TMEM108: variants seen among roughly 807,000 people sequenced by gnomAD.
TMEM108 encodes the protein cancer/testis antigen 124.
A neutral mutation model predicts 35.1 loss-of-function variants in TMEM108; 12 were observed. That is an observed-to-expected ratio of 0.34 (90% confidence interval 0.22 to 0.55). TMEM108 has a LOEUF of 0.55. TMEM108 is among the 20% of genes least tolerant of loss of function. The pLI is 0.89. For missense variants in TMEM108, 680 were observed against 753.3 expected, an observed-to-expected ratio of 0.90 and a Z score of 1.14; for synonymous variants, 287 against 308.6, an observed-to-expected ratio of 0.93 and a Z score of 0.73.
chr3:133,371,413 G>T (rs564969256), intron 3 of TMEM108, among the ~76,000 whole-genome samples: 1 of 152,168 alleles, frequency 6.6e-6, no homozygotes, highest in African/African-American at 2.4e-5. Context: ...GCTATCATCT[G>T]GAAGTTAGGC....
intron 2 of TMEM108, among the ~76,000 whole-genome samples, chr3:133,078,889 T>C (rs1458484144): frequency 1.3e-5 from 2 of 152,234 alleles, no homozygotes; most frequent in Admixed American, 6.5e-5. Flanking sequence ...CGAATAGATA[T>C]TGACATATTA....
At chr3:133,243,955 G>T (rs531350612) in intron 3 of TMEM108, among the ~76,000 whole-genome samples, 2 of 152,304 alleles carry the variant, frequency 1.3e-5, no homozygotes, top group African/African-American at 4.8e-5. Flanking sequence ...GAAAAGGGTA[G>T]TGGGCCTGGA....
chr3:133,101,008 A>AAGGTGGAATATCCT (rs1559832404), intron 2 of TMEM108, among the ~76,000 whole-genome samples: 11 of 152,198 alleles, frequency 7.2e-5, no homozygotes, highest in Admixed American at 2.0e-4. Context: ...CCTCATTGTC[A>AAGGTGGAATATCCT]CATACACATG....
chr3:133,083,886 A>AC (rs1943847022), intron 2 of TMEM108, among the ~76,000 whole-genome samples: 1 of 150,620 alleles, frequency 6.6e-6, no homozygotes, highest in Non-Finnish European at 1.5e-5. Flanking sequence ...TAAAAAAAAA[A>AC]GGCATATGGT....
intron 3 of TMEM108, among the ~76,000 whole-genome samples, chr3:133,288,922 G>GA (rs1947023411): frequency 6.6e-6 from 1 of 152,122 alleles, no homozygotes; most frequent in African/African-American, 2.4e-5. Flanking sequence ...TTTTAGTAGA[G>GA]ATGGGGTTTC....
At chr3:133,148,741 A>G (rs1175747180) in intron 2 of TMEM108, among the ~76,000 whole-genome samples, 1 of 152,164 alleles carries the variant, frequency 6.6e-6, no homozygotes, top group Non-Finnish European at 1.5e-5. Flanking sequence ...CATGTCTGTA[A>G]TCCCAACACT....
intron 2 of TMEM108, among the ~76,000 whole-genome samples, chr3:133,071,136 T>C (rs937765644): frequency 2.6e-5 from 4 of 152,212 alleles, no homozygotes; most frequent in African/African-American, 9.6e-5. Context: ...ACATAGGCTA[T>C]AGAGTATACC....
chr3:133,143,036 C>T (rs987000473), intron 2 of TMEM108, among the ~76,000 whole-genome samples: 5 of 152,160 alleles, frequency 3.3e-5, no homozygotes, highest in African/African-American at 1.2e-4. Context: ...CTTCTCTATC[C>T]ATGCTGATAA....
At chr3:133,374,893 G>A (rs1381417147) in intron 3 of TMEM108, among the ~76,000 whole-genome samples, 3 of 152,176 alleles carry the variant, frequency 2.0e-5, no homozygotes, top group Admixed American at 2.0e-4. Context: ...GAGCCCCCTG[G>A]GGAGATGGGT....
chr3:133,235,414 A>T lies in TMEM108; in HGVS notation c.40+6063A>T, dbSNP rs145226161. Among the ~76,000 whole-genome samples the T allele has an allele frequency of 3.9e-3, 598 of 152,324 alleles. 5 individuals carry two copies. The highest frequency in any genetic ancestry group is 0.014 in the African/African-American group (579 of 41,556). ...TAGTACCAAAACAGAGATATAGATC[A>T]GTGGAACAGAAGAGAGCCCTCAGAA... On this transcript the variant is annotated intron_variant, in intron 3 of 5. Transcript: ENST00000321871.
intron 2 of TMEM108, among the ~76,000 whole-genome samples, chr3:133,209,016 C>T (rs1288247824): frequency 6.6e-6 from 1 of 152,098 alleles, no homozygotes; most frequent in Non-Finnish European, 1.5e-5. Flanking sequence ...ACGTTGTACC[C>T]ATTTTATTGA....
intron 3 of TMEM108, among the ~76,000 whole-genome samples, chr3:133,323,626 A>G (rs747106383): frequency 6.6e-6 from 1 of 152,282 alleles, no homozygotes; most frequent in Non-Finnish European, 1.5e-5. Flanking sequence ...ATTCAGTGCA[A>G]CTCCCATCAA....
rs543378972 is a variant in TMEM108, at chr3:133,390,628, G to A, written c.1605+294G>A. On this transcript the variant is annotated intron_variant, in intron 5 of 5. Coordinates refer to ENST00000321871, the MANE Select transcript of TMEM108 (RefSeq NM_023943.4). ...ACTCAGTGAGGACCTGTTTTGTGCC[G>A]AGCACTCCCAGGGCACTATGAAGAT... 1.2e-4 allele frequency among the ~76,000 whole-genome samples: 19 copies of A among 152,258 alleles called. No homozygotes were observed. In the South Asian group the frequency reaches 3.5e-3, roughly 28 times the overall value.
intron 4 of TMEM108, chr3:133,386,441 A>G: frequency 6.5e-7 from 1 of 1,536,152 alleles, no homozygotes; most frequent in East Asian, 2.4e-5. Flanking sequence ...TATCACCTGA[A>G]AGCATGCCCT....
intron 3 of TMEM108, among the ~76,000 whole-genome samples, chr3:133,264,436 T>G (rs1946668968): frequency 6.6e-6 from 1 of 152,222 alleles, no homozygotes; most frequent in Non-Finnish European, 1.5e-5. Flanking sequence ...GCTGCACGTC[T>G]GTGGTTAGAA....
intron 1 of TMEM108, among the ~76,000 whole-genome samples, chr3:133,041,297 AT>A (rs2107668310): frequency 6.6e-6 from 1 of 152,132 alleles, no homozygotes; most frequent in East Asian, 1.9e-4. Flanking sequence ...TATGCTTGTA[AT>A]GTGCTTGAGA....
intron 2 of TMEM108, among the ~76,000 whole-genome samples, chr3:133,159,371 C>T (rs1944928181): frequency 6.6e-6 from 1 of 152,164 alleles, no homozygotes; most frequent in South Asian, 2.1e-4. Flanking sequence ...GTCATCTGTG[C>T]ATTTCTCTTT....
chr3:133,309,153 G>C (rs2071087634), intron 3 of TMEM108, among the ~76,000 whole-genome samples: 1 of 152,168 alleles, frequency 6.6e-6, no homozygotes, highest in African/African-American at 2.4e-5. Context: ...TTGTGTAGAG[G>C]TGTTTATAGT....
chr3:133,198,396 A>G (rs746733896), intron 2 of TMEM108, among the ~76,000 whole-genome samples: 1 of 152,214 alleles, frequency 6.6e-6, no homozygotes, highest in Non-Finnish European at 1.5e-5. Flanking sequence ...AAGAGTGTGA[A>G]CAACCAGAGG....
Sources: allele counts gnomAD v4.1 joint callset (sites outside exome capture counted in the v4.1 genomes callset), GRCh38; gene constraint gnomAD v4.1.1; transcripts MANE v1.5; gene names NCBI Gene and HGNC (gene_info 2026-07-23, HGNC 2026-07-21).